TMEM222: variants seen among roughly 807,000 people sequenced by gnomAD.
TMEM222 encodes transmembrane protein 222.
Under a neutral mutation model 25.1 loss-of-function variants are expected in TMEM222, and 18 were observed. The ratio of observed to expected loss-of-function variants is 0.72; its 90% confidence interval spans 0.50 to 1.06. TMEM222 has a LOEUF of 1.06. Ranked by LOEUF, TMEM222 falls within the 50% of genes least tolerant of loss-of-function variation. The probability of loss-of-function intolerance (pLI) is 0.00; values close to 1 mark genes in which losing one functional copy is unlikely to be tolerated. For missense variants in TMEM222, 296 were observed against 293.7 expected (o/e 1.01, Z -0.06); for synonymous variants, 131 against 117.9 (o/e 1.11, Z -0.72).
At chr1:27,326,875 C>A (rs1394493576) in intron 1 of TMEM222, among the ~76,000 whole-genome samples, 1 of 152,072 alleles carries the variant, frequency 6.6e-6, no homozygotes, top group Non-Finnish European at 1.5e-5. Flanking sequence ...AGCTTCCAGG[C>A]TGACAAACCA....
At position 27,335,613 on chromosome 1, in the gene TMEM222, C is replaced by A; in HGVS notation, c.*147C>A. 1 of 724,152 alleles carries A rather than the reference C, an allele frequency of 1.4e-6. No individual in the cohort carries two copies. The highest frequency in any genetic ancestry group is 2.3e-6 in the Non-Finnish European group (1 of 428,756). 44.9% of individuals were successfully genotyped at this position (724,152 alleles called of 1,614,324 possible). A position where few individuals can be genotyped will look rare whatever the true frequency, so the allele number is the denominator to read the frequency against. On this transcript the variant is annotated 3_prime_UTR_variant, in exon 6 of 6. Transcript: ENST00000374076. ...GGTCGGGGCTGGCAGGATGGAAGGACTGAGGACCAGCATGAAGTGGGGGTT... is the reference window on the plus strand; with the variant it reads ...GGTCGGGGCTGGCAGGATGGAAGGAATGAGGACCAGCATGAAGTGGGGGTT...
At chr1:27,323,406 T>G (rs886311301) in intron 1 of TMEM222, among the ~76,000 whole-genome samples, 1 of 152,240 alleles carries the variant, frequency 6.6e-6, no homozygotes, top group Non-Finnish European at 1.5e-5. Context: ...TCGTAGTTTT[T>G]GAATTATGTT....
In TMEM222 at chr1:27,322,236, G is replaced by A; in HGVS notation, c.39G>A (p.Pro13=). Residue 13 remains proline (P), a synonymous_variant, in exon 1 of 6, where the codon CCG becomes CCA. Coordinates refer to ENST00000374076, the MANE Select transcript of TMEM222 (RefSeq NM_032125.3). ...AAGGGAGTTCTCTGCTCTTGTTGCC[G>A]CCGCCGCCACCCCCGCCCAGGATGG... The part of the protein sequence containing the change: ...EAEGSSLLLL[P]PPPPPPRMAE... The A allele has an allele frequency of 1.4e-6, 2 of 1,457,596 alleles. No homozygotes were observed. The highest frequency in any genetic ancestry group is 1.8e-6 in the Non-Finnish European group (2 of 1,098,804). 90.3% of individuals were successfully genotyped at this position (1,457,596 alleles called of 1,614,324 possible). A position where few individuals can be genotyped will look rare whatever the true frequency, so the allele number is the denominator to read the frequency against.
intron 5 of TMEM222, chr1:27,334,547 A>G (rs542127019): frequency 9.1e-6 from 13 of 1,435,812 alleles, no homozygotes; most frequent in African/African-American, 8.6e-5. Context: ...GGTCTCTCTT[A>G]GCCACAGCTG....
intron 5 of TMEM222, 130 bp downstream of exon 5, chr1:27,334,411 G>A: frequency 6.9e-7 from 1 of 1,452,282 alleles, no homozygotes; most frequent in Non-Finnish European, 9.3e-7. Context: ...TGGAGCCGTG[G>A]TGGTTCTAGA....
intron 1 of TMEM222, chr1:27,325,892 G>A (rs753062916): frequency 2.6e-5 from 19 of 737,374 alleles, no homozygotes; most frequent in Admixed American, 9.2e-5. Flanking sequence ...CTAGCCTCAC[G>A]AAAATGGAAT....
rs1444862270 is a variant in TMEM222, at chr1:27,334,637, A to G, written c.539+356A>G. 5 of 1,440,762 alleles carry G rather than the reference A, an allele frequency of 3.5e-6. No homozygotes were observed. The Admixed American group carries it at 1.3e-4, about 37-fold the overall frequency. The allele number at this position is 1,440,762 out of a possible 1,614,324, so 89.2% of individuals were successfully genotyped here. On this transcript the variant is annotated intron_variant, in intron 5 of 5. Coordinates refer to ENST00000374076, the MANE Select transcript of TMEM222 (RefSeq NM_032125.3). ...CCCTGTGCTCCGGTAAAGTGAGCAG[A>G]TAGATCCTCTCATAATGACTGCCCC...
Position 27,330,172 on chromosome 1 carries a change from G to A in TMEM222, c.195-548G>A, listed in dbSNP as rs914608445. 4.6e-5 allele frequency among the ~76,000 whole-genome samples: 7 copies of A among 151,348 alleles called. No individual in the cohort carries two copies. The South Asian group carries it at 6.3e-4, about 14-fold the overall frequency. On this transcript the variant is annotated intron_variant, in intron 1 of 5. Transcript: ENST00000374076. ...CCAGCACTTTGGGAGGCCAAGGCACGTGGATCACGAGGTCAAGAGATCGAG... is the reference window on the plus strand; with the variant it reads ...CCAGCACTTTGGGAGGCCAAGGCACATGGATCACGAGGTCAAGAGATCGAG...
chr1:27,329,073 A>AG (rs1287277618), intron 1 of TMEM222, among the ~76,000 whole-genome samples: 1 of 152,208 alleles, frequency 6.6e-6, no homozygotes, highest in African/African-American at 2.4e-5. Flanking sequence ...TTTATAAAAA[A>AG]GGAACTTTTA....
intron 1 of TMEM222, chr1:27,325,675 A>G (rs2014326886): frequency 2.4e-6 from 2 of 830,510 alleles, no homozygotes; most frequent in Admixed American, 3.4e-5. Flanking sequence ...CCAGAGTGCA[A>G]GTACTCTGTG....
At chr1:27,335,265 G>GTA in intron 5 of TMEM222, 114 bp from the exon 6 acceptor site, 1 of 1,009,392 alleles carries the variant, frequency 9.9e-7, no homozygotes, top group Non-Finnish European at 1.5e-6. Flanking sequence ...GGGGGTGGTT[G>GTA]GGTTTTCCTT....
chr1:27,325,527 G>A (rs564565364), intron 1 of TMEM222: 431 of 1,441,522 alleles, frequency 3.0e-4, no homozygotes, highest in Non-Finnish European at 3.7e-4. Context: ...GAAGTGTGAC[G>A]TAGACATCCG....
rs2014594915 is a variant in TMEM222, at chr1:27,335,872, G to A, written c.*406G>A. The stretch of plus-strand genomic sequence containing the variant: ...GGACCAGAGCTGGTCCCAGCATGGG[G>A]TGCACCGGGTACACTTAACGTGTCT... On this transcript the variant is annotated 3_prime_UTR_variant, in exon 6 of 6. Coordinates refer to ENST00000374076, the MANE Select transcript of TMEM222 (RefSeq NM_032125.3). 1 of 230,018 alleles carries A rather than the reference G, an allele frequency of 4.3e-6. No homozygotes were observed. The highest frequency in any genetic ancestry group is 6.5e-5 in the South Asian group (1 of 15,390). 14.2% of individuals were successfully genotyped at this position (230,018 alleles called of 1,614,324 possible).
intron 1 of TMEM222, among the ~76,000 whole-genome samples, chr1:27,328,675 G>A (rs1364327877): frequency 6.6e-6 from 1 of 152,140 alleles, no homozygotes; most frequent in Admixed American, 6.5e-5. Context: ...TCCCCCTTTC[G>A]TTCTTCCAGG....
rs1015692808 is a variant in TMEM222, at chr1:27,335,286, G to A, written c.540-93G>A. The stretch of plus-strand genomic sequence containing the variant: ...GGTTGGGTTTTCCTTAGGGATGGCA[G>A]CCCTATTGGGGTCTGTGGGTGCTCA... On this transcript the variant is annotated intron_variant, in intron 5 of 5. Transcript: ENST00000374076. The A allele has an allele frequency of 2.4e-5, 30 of 1,271,288 alleles. 1 individual carries two copies. In the Admixed American group the frequency reaches 4.8e-4, roughly 20 times the overall value. 78.8% of individuals were successfully genotyped at this position (1,271,288 alleles called of 1,614,324 possible). A position where few individuals can be genotyped will look rare whatever the true frequency, so the allele number is the denominator to read the frequency against.
chr1:27,330,694 TC>T (rs1490226635), intron 1 of TMEM222, 25 bp from the exon 2 acceptor site: 1 of 1,605,082 alleles, frequency 6.2e-7, no homozygotes, highest in African/African-American at 1.3e-5. Context: ...CTAAGCTCTG[TC>T]CCTTCCCCGT....
At chr1:27,325,271 A>C in intron 1 of TMEM222, 1 of 535,526 alleles carries the variant, frequency 1.9e-6, no homozygotes, top group Non-Finnish European at 3.5e-6. Context: ...AGAGAAGATT[A>C]GCATGGCCCC....
At chr1:27,325,274 A>G (rs2014312001) in intron 1 of TMEM222, 2 of 544,900 alleles carry the variant, frequency 3.7e-6, no homozygotes, top group Non-Finnish European at 6.8e-6. Context: ...GAAGATTAGC[A>G]TGGCCCCTGC....
chr1:27,323,212 G>GAT (rs2014249961), intron 1 of TMEM222, among the ~76,000 whole-genome samples: 1 of 152,172 alleles, frequency 6.6e-6, no homozygotes, highest in African/African-American at 2.4e-5. Flanking sequence ...TAAGTGTCTT[G>GAT]ATCAGGTTCG....
Sources: allele counts gnomAD v4.1 joint callset (sites outside exome capture counted in the v4.1 genomes callset), GRCh38; gene constraint gnomAD v4.1.1; transcripts MANE v1.5; gene names NCBI Gene and HGNC (gene_info 2026-07-23, HGNC 2026-07-21).